The following HSF5 variants were observed in gnomAD, a reference collection of about 807,000 sequenced individuals.
HSF5 encodes the protein heat shock factor protein 5.
A neutral mutation model predicts 50.8 loss-of-function variants in HSF5; 5 were observed. The ratio of observed to expected loss-of-function variants is 0.10; its 90% CI spans 0.05 to 0.21. The LOEUF (loss-of-function observed/expected upper bound fraction) is 0.21. HSF5 is among the 10% of genes least tolerant of loss of function. The pLI, the probability that HSF5 is intolerant of heterozygous loss-of-function variation, is 1.00. For missense variants in HSF5, 564 were observed against 762.6 expected (o/e 0.74, Z 3.07); for synonymous variants, 307 against 307.4 (o/e 1.00, Z 0.02).
chr17:58,453,599 A>AAACAACAACAACAAC (rs71143249), intron 5 of HSF5, among the ~76,000 whole-genome samples: 1 of 150,544 alleles, frequency 6.6e-6, no homozygotes, highest in Admixed American at 6.6e-5. Flanking sequence ...ACTCCATCTC[A>AAACAACAACAACAAC]AACAACAACA....
At chr17:58,484,127 C>A (rs1975135325) in intron 1 of HSF5, among the ~76,000 whole-genome samples, 1 of 151,694 alleles carries the variant, frequency 6.6e-6, no homozygotes, top group South Asian at 2.1e-4. Flanking sequence ...AACACAATTC[C>A]CTAGTGAACC....
chr17:58,445,390 A>G (rs995780470), intron 5 of HSF5, among the ~76,000 whole-genome samples: 2 of 152,186 alleles, frequency 1.3e-5, no homozygotes, highest in African/African-American at 4.8e-5. Context: ...GTCTAGCCTG[A>G]GCAACATTGT....
intron 5 of HSF5, 97 bp downstream of exon 5, chr17:58,458,671 T>C: frequency 1.0e-6 from 1 of 965,044 alleles, no homozygotes; most frequent in Non-Finnish European, 1.5e-6. Context: ...CTAATACAAT[T>C]ATGAATAATA....
At chr17:58,484,639 T>C (rs1424926275) in intron 1 of HSF5, among the ~76,000 whole-genome samples, 3 of 151,962 alleles carry the variant, frequency 2.0e-5, no homozygotes, top group African/African-American at 4.8e-5. Context: ...TATGCCATGG[T>C]ATTGTCTCCA....
intron 5 of HSF5, among the ~76,000 whole-genome samples, chr17:58,449,180 A>T (rs1246521469): frequency 6.6e-6 from 1 of 152,246 alleles, no homozygotes; most frequent in African/African-American, 2.4e-5. Flanking sequence ...TAAACTACCA[A>T]AGAAAATCAC....
chr17:58,465,182 CTTTTTT>C (rs529950180), intron 3 of HSF5, among the ~76,000 whole-genome samples: 2 of 69,340 alleles, frequency 2.9e-5, no homozygotes, highest in East Asian at 7.7e-4. Flanking sequence ...TATTTCTTTT[CTTTTTT>C]TTTTTTTTTT....
At chr17:58,444,193 A>G (rs760409095) in intron 5 of HSF5, among the ~76,000 whole-genome samples, 8 of 152,236 alleles carry the variant, frequency 5.3e-5, no homozygotes, top group Non-Finnish European at 1.2e-4. Context: ...TCAAAATCTC[A>G]GTGAATTTTT....
chr17:58,453,705 A>G (rs995614376), intron 5 of HSF5, among the ~76,000 whole-genome samples: 2 of 152,214 alleles, frequency 1.3e-5, no homozygotes, highest in African/African-American at 4.8e-5. Context: ...CAACATATAC[A>G]AATCAATCAA....
At chr17:58,447,465 C>T (rs1035300615) in intron 5 of HSF5, among the ~76,000 whole-genome samples, 4 of 152,060 alleles carry the variant, frequency 2.6e-5, no homozygotes, top group African/African-American at 9.7e-5. Context: ...AGCATAGCAC[C>T]GGCTGCCACA....
At chr17:58,461,129 C>T (rs1974788341) in intron 4 of HSF5, among the ~76,000 whole-genome samples, 1 of 151,600 alleles carries the variant, frequency 6.6e-6, no homozygotes, top group South Asian at 2.1e-4. Flanking sequence ...CAGAAGGATT[C>T]CTTGAACCCA....
chr17:58,438,757 G>A (rs1974459972), intron 5 of HSF5, among the ~76,000 whole-genome samples: 2 of 152,018 alleles, frequency 1.3e-5, no homozygotes, highest in African/African-American at 4.8e-5. Flanking sequence ...ACAACTTATT[G>A]ACTAGAGTTC....
intron 5 of HSF5, among the ~76,000 whole-genome samples, chr17:58,430,081 G>GT (rs1181389037): frequency 5.9e-5 from 9 of 151,674 alleles, no homozygotes; most frequent in African/African-American, 1.9e-4. Context: ...GTTTTGTTTT[G>GT]TTTTTTCAGA....
chr17:58,444,463 A>T (rs1974533392), intron 5 of HSF5, among the ~76,000 whole-genome samples: 1 of 152,188 alleles, frequency 6.6e-6, no homozygotes, highest in Non-Finnish European at 1.5e-5. Flanking sequence ...CTCACTGGGG[A>T]AAGGACAATC....
intron 2 of HSF5, among the ~76,000 whole-genome samples, chr17:58,473,055 G>T (rs1188311103): frequency 6.6e-6 from 1 of 152,116 alleles, no homozygotes; most frequent in Non-Finnish European, 1.5e-5. Flanking sequence ...CAGGCAGGGG[G>T]GCAGGCGAGC....
rs1036647424 is a variant in HSF5, at chr17:58,466,961, G to A, written c.944C>T (p.Ser315Phe). Residue 315 changes from serine to phenylalanine, a missense_variant, in exon 3 of 6, where the codon TCT (serine) becomes TTT (phenylalanine). Physicochemically the swap from Ser to Phe is radical, Grantham distance 155. Transcript: ENST00000323777. ...YYPTAVLQCCSPTHMDALSSC... is the reference protein window; with the variant it reads ...YYPTAVLQCCFPTHMDALSSC... ...ACTTAGAGCATCCATGTGGGTAGGA[G>A]AACAGCACTGTAGCACAGCTGGAAC... The A allele has an allele frequency of 2.5e-6, 4 of 1,609,422 alleles. No individual in the cohort carries two copies. The highest frequency in any genetic ancestry group is 1.1e-5 in the South Asian group (1 of 91,014).
rs769400512 is a variant in HSF5, at chr17:58,466,966, G to A, written c.939C>T (p.Cys313=). Residue 313 remains cysteine, a synonymous_variant, in exon 3 of 6, where the codon TGC becomes TGT. Coordinates refer to ENST00000323777, the MANE Select transcript of HSF5 (RefSeq NM_001080439.3). ...GAGCATCCATGTGGGTAGGAGAACAGCACTGTAGCACAGCTGGAACAAATT... is the reference window on the plus strand; with the variant it reads ...GAGCATCCATGTGGGTAGGAGAACAACACTGTAGCACAGCTGGAACAAATT... ...QAYYPTAVLQ[C]CSPTHMDALS... 6.2e-7 allele frequency: 1 copy of A among 1,607,842 alleles called. No homozygotes were observed. The highest frequency in any genetic ancestry group is 1.1e-5 in the South Asian group (1 of 90,980).
In HSF5 at chr17:58,477,592, T is replaced by G. The variant is rs568367578; in HGVS notation, c.925+2301A>C. 5.9e-5 allele frequency among the ~76,000 whole-genome samples: 9 copies of G among 152,130 alleles called. 1 individual carries two copies. The East Asian group carries it at 1.7e-3, about 29-fold the overall frequency. On this transcript the variant is annotated intron_variant, in intron 2 of 5. Coordinates refer to ENST00000323777, the MANE Select transcript of HSF5 (RefSeq NM_001080439.3). ...CTCCTGCCTCAGCCTCCCCAGTAGC[T>G]GGGACTACAGGTGCCCGTCACCACA...
chr17:58,446,137 CAAAA>C (rs575406434), intron 5 of HSF5, among the ~76,000 whole-genome samples: 5 of 47,828 alleles, frequency 1.0e-4, no homozygotes, highest in Admixed American at 2.3e-4. Flanking sequence ...AACTCCATCT[CAAAA>C]AAAAAAAAAA....
At position 58,480,205 on chromosome 17, in the gene HSF5, A is replaced by C. The variant is rs745369844; in HGVS notation, c.613T>G (p.Cys205Gly). 8 of 1,613,816 alleles carry C rather than the reference A, an allele frequency of 5.0e-6. No homozygotes were observed. In the African/African-American group the frequency reaches 1.1e-4, roughly 22 times the overall value. ...TGGTCGTGGGATGGAGTTGATACAC[A>C]GGAGTAAGGAGACAAACTATCTCGA... ...FRRDSLSPYS[C>G]VSTPSHDHST... Residue 205 changes from cysteine to glycine, a missense_variant, in exon 2 of 6, where the codon TGT becomes GGT. Cys to Gly is a radical substitution (Grantham distance 159). This residue lies in a region of HSF5 where 441 missense variants were observed against 533.6 expected (regional missense o/e 0.83). Coordinates refer to ENST00000323777, the MANE Select transcript of HSF5 (RefSeq NM_001080439.3).
Sources: gnomAD v4.1 joint callset for allele counts (sites outside exome capture counted in the v4.1 genomes callset) on GRCh38, gnomAD v4.1.1 for gene constraint, gnomAD v4.1.1 regional missense constraint, MANE v1.5 for transcripts, NCBI Gene and HGNC (gene_info 2026-07-23, HGNC 2026-07-21) for gene names.